Variants in ADGRL2 observed in about 807,000 individuals in gnomAD.
ADGRL2 encodes the protein calcium-independent alpha-latrotoxin receptor 2.
A neutral mutation model predicts 157.4 loss-of-function variants in ADGRL2; 44 were observed. That is an observed-to-expected ratio of 0.28 (90% confidence interval 0.22 to 0.36). ADGRL2 has a LOEUF of 0.36. ADGRL2 is among the 10% of genes least tolerant of loss of function. ADGRL2 has a pLI of 1.00. For synonymous variants in ADGRL2, 585 were observed against 624.7 expected (o/e 0.94, Z 0.95); for missense variants, 1,510 against 1,768.9 (o/e 0.85, Z 2.63).
At chr1:81,457,745 T>C (rs1300805631) in intron 2 of ADGRL2, among the ~76,000 whole-genome samples, 1 of 152,212 alleles carries the variant, frequency 6.6e-6, no homozygotes, top group African/African-American at 2.4e-5. Flanking sequence ...AAAGTTATGA[T>C]ATTTTCAGGA....
At chr1:81,522,282 T>C (rs2079338555) in intron 2 of ADGRL2, among the ~76,000 whole-genome samples, 1 of 152,108 alleles carries the variant, frequency 6.6e-6, no homozygotes, top group Non-Finnish European at 1.5e-5. Context: ...TACTTTCATA[T>C]ATACTGATTT....
At chr1:81,653,759 G>GA in intron 3 of ADGRL2, among the ~76,000 whole-genome samples, 1 of 151,922 alleles carries the variant, frequency 6.6e-6, no homozygotes, top group Admixed American at 6.6e-5. Flanking sequence ...GATGTTCTGA[G>GA]AAAAAAAGTT....
chr1:81,675,707 G>A (rs374073395), intron 3 of ADGRL2, among the ~76,000 whole-genome samples: 50 of 151,764 alleles, frequency 3.3e-4, no homozygotes, highest in African/African-American at 1.1e-3. Flanking sequence ...TCAGCCTCCC[G>A]AGTAGCTGGG....
chr1:81,649,077 A>G (rs1163625321), intron 3 of ADGRL2, among the ~76,000 whole-genome samples: 2 of 152,016 alleles, frequency 1.3e-5, no homozygotes, highest in African/African-American at 2.4e-5. Context: ...CAAACTAAAT[A>G]CCCAAAGAAA....
intron 1 of ADGRL2, among the ~76,000 whole-genome samples, chr1:81,807,951 TTTA>T (rs977668842): frequency 8.6e-5 from 13 of 151,888 alleles, no homozygotes; most frequent in East Asian, 3.9e-4. Flanking sequence ...AAAAGCTTAT[TTTA>T]TTATTATTAT....
intron 2 of ADGRL2, among the ~76,000 whole-genome samples, chr1:81,888,460 G>T (rs1370582328): frequency 6.6e-6 from 1 of 151,974 alleles, no homozygotes; most frequent in African/African-American, 2.4e-5. Flanking sequence ...ATTTTTTTGA[G>T]ATGGAGTCTT....
chr1:81,853,028 G>C (rs535115360), intron 2 of ADGRL2, among the ~76,000 whole-genome samples: 211 of 152,232 alleles, frequency 1.4e-3, no homozygotes, highest in Admixed American at 3.8e-3. Flanking sequence ...AGAGGCAGCT[G>C]GTCCAGAGGA....
At chr1:81,966,636 A>G (rs1657129133) in intron 13 of ADGRL2, 27 bp downstream of exon 13, 1 of 1,595,042 alleles carries the variant, frequency 6.3e-7, no homozygotes, top group South Asian at 1.1e-5. Flanking sequence ...TAATGAAGTA[A>G]TGGAAGGTTA....
chr1:81,830,396 G>A (rs2091860722), intron 1 of ADGRL2, among the ~76,000 whole-genome samples: 1 of 152,182 alleles, frequency 6.6e-6, no homozygotes, highest in Non-Finnish European at 1.5e-5. Flanking sequence ...TATTGACATA[G>A]TTTGCAAATG....
intron 11 of ADGRL2, among the ~76,000 whole-genome samples, chr1:81,962,721 C>T (rs969092579): frequency 1.3e-5 from 2 of 152,066 alleles, no homozygotes; most frequent in African/African-American, 2.4e-5. Context: ...TGATTTTTCC[C>T]CATATGAATA....
At chr1:81,598,406 T>C (rs989375620) in intron 3 of ADGRL2, among the ~76,000 whole-genome samples, 1 of 152,204 alleles carries the variant, frequency 6.6e-6, no homozygotes, top group Non-Finnish European at 1.5e-5. Flanking sequence ...AAAAAAATAT[T>C]CTTTCTAAAG....
At chr1:81,551,285 G>C (rs1212886722) in intron 2 of ADGRL2, among the ~76,000 whole-genome samples, 1 of 152,098 alleles carries the variant, frequency 6.6e-6, no homozygotes, top group Non-Finnish European at 1.5e-5. Flanking sequence ...CCTGACACCA[G>C]GTCTTGAGGA....
intron 2 of ADGRL2, among the ~76,000 whole-genome samples, chr1:81,525,263 G>A (rs981347912): frequency 4.0e-5 from 6 of 151,826 alleles, no homozygotes; most frequent in Non-Finnish European, 7.4e-5. Flanking sequence ...GAGAGTACCC[G>A]GAAGGAGCCT....
chr1:81,656,764 C>G (rs1032462952), intron 3 of ADGRL2, among the ~76,000 whole-genome samples: 1 of 152,058 alleles, frequency 6.6e-6, no homozygotes, highest in Non-Finnish European at 1.5e-5. Flanking sequence ...AATACAAACA[C>G]TTTGGGAGGC....
chr1:81,592,856 A>G (rs2081159276), intron 3 of ADGRL2, among the ~76,000 whole-genome samples: 3 of 151,974 alleles, frequency 2.0e-5, no homozygotes, highest in Non-Finnish European at 4.4e-5. Flanking sequence ...TCAGTAAAGT[A>G]TTGGCTGTTG....
intron 1 of ADGRL2, among the ~76,000 whole-genome samples, chr1:81,821,553 C>T (rs2090989994): frequency 6.6e-6 from 1 of 151,928 alleles, no homozygotes; most frequent in South Asian, 2.1e-4. Context: ...TCATTGTGTT[C>T]TTGCATTCAC....
intron 2 of ADGRL2, among the ~76,000 whole-genome samples, chr1:81,891,076 A>G (rs2094251487): frequency 6.6e-6 from 1 of 151,076 alleles, no homozygotes; most frequent in Non-Finnish European, 1.5e-5. Context: ...TTTGTTTTTT[A>G]TTTCCCCCCA....
chr1:81,468,950 G>C (rs1031989371), intron 2 of ADGRL2, among the ~76,000 whole-genome samples: 1 of 152,128 alleles, frequency 6.6e-6, no homozygotes, highest in Non-Finnish European at 1.5e-5. Context: ...ACCCAGTGAG[G>C]GGTTAGTGTT....
chr1:81,430,739 G>A (rs1440385898), intron 1 of ADGRL2, among the ~76,000 whole-genome samples: 1 of 152,096 alleles, frequency 6.6e-6, no homozygotes, highest in Non-Finnish European at 1.5e-5. Flanking sequence ...GCAGTATGCT[G>A]TTCTCTCCTT....
Sources: gnomAD v4.1 joint callset for allele counts (sites outside exome capture counted in the v4.1 genomes callset) on GRCh38, gnomAD v4.1.1 for gene constraint, MANE v1.5 for transcripts, NCBI Gene and HGNC (gene_info 2026-07-23, HGNC 2026-07-21) for gene names.